Variants in TUT7 observed in about 807,000 individuals in gnomAD.
TUT7 encodes the protein terminal uridylyl transferase 7.
TUT7 carries 33 observed loss-of-function variants against 165.9 expected under a neutral mutation model. That is an observed-to-expected ratio of 0.20 (90% CI 0.15 to 0.27). TUT7 has a LOEUF of 0.27. Ranked by LOEUF, TUT7 falls within the 10% of genes least tolerant of loss-of-function variation. The pLI, the probability that TUT7 is intolerant of heterozygous loss-of-function variation, is 1.00. For synonymous variants in TUT7, 552 were observed against 608.1 expected (o/e 0.91, Z 1.36); for missense variants, 1,338 against 1,762.3 (o/e 0.76, Z 4.31).
chr9:86,352,523 C>T (rs752654609), intron 2 of TUT7, 157 bp downstream of exon 2: 3 of 848,000 alleles, frequency 3.5e-6, no homozygotes, highest in Non-Finnish European at 5.7e-6. Context: ...ATCATGATTA[C>T]TATCCTTAAA....
At chr9:86,348,723 G>A (rs934457582) in intron 2 of TUT7, among the ~76,000 whole-genome samples, 3 of 152,114 alleles carry the variant, frequency 2.0e-5, no homozygotes, top group Non-Finnish European at 2.9e-5. Context: ...TTGCACTCCA[G>A]CCTGGGTGAC....
At chr9:86,319,821 C>T (rs1829071469) in intron 14 of TUT7, 151 bp from the exon 15 acceptor site, 1 of 627,930 alleles carries the variant, frequency 1.6e-6, no homozygotes, top group South Asian at 2.0e-5. Context: ...ATAGCATTAA[C>T]AAGGTAAAGT....
At chr9:86,307,107 C>T (rs1340657738) in intron 22 of TUT7, among the ~76,000 whole-genome samples, 2 of 151,984 alleles carry the variant, frequency 1.3e-5, no homozygotes, top group African/African-American at 2.4e-5. Flanking sequence ...CCCGTCTCTA[C>T]TAAAAATACA....
At chr9:86,310,903 T>A (rs986990458) in intron 17 of TUT7, 94 bp from the exon 18 acceptor site, 9 of 720,964 alleles carry the variant, frequency 1.2e-5, no homozygotes, top group Non-Finnish European at 2.2e-5. Flanking sequence ...GGTGTAAACC[T>A]AACTTTGGCC....
At chr9:86,339,961 C>T (rs777059653) in intron 8 of TUT7, 75 bp downstream of exon 8, 2 of 1,086,308 alleles carry the variant, frequency 1.8e-6, no homozygotes, top group Admixed American at 3.6e-5. Flanking sequence ...AGAAATTGGA[C>T]ATTAAGATGT....
In TUT7 at chr9:86,289,864, T is replaced by C. The variant is rs1825783094; in HGVS notation, c.4421-1120A>G. On this transcript the variant is annotated intron_variant, in intron 26 of 26. Coordinates refer to ENST00000375963, the MANE Select transcript of TUT7 (RefSeq NM_024617.4). ...TAAATAAATATTCATAAAAACCTTA[T>C]AATTAACAATGCAAAGAACTTAAAA... is the stretch of plus-strand genomic sequence containing the variant. 2.0e-5 allele frequency among the ~76,000 whole-genome samples: 3 copies of C among 152,058 alleles called. No individual in the cohort carries two copies. In the South Asian group the frequency reaches 6.2e-4, roughly 31 times the overall value.
At chr9:86,329,881 C>T (rs1447047587) in intron 10 of TUT7, among the ~76,000 whole-genome samples, 1 of 152,132 alleles carries the variant, frequency 6.6e-6, no homozygotes, top group Non-Finnish European at 1.5e-5. Flanking sequence ...TTCTCCCTCA[C>T]TTTATTCAGC....
chr9:86,321,004 A>C lies in TUT7; in HGVS notation c.3028+1321T>G, dbSNP rs752184675. ...CACAGCAGGAAGAATAACACCACCA[A>C]CCTTTACATAGCCCAGCTAGCCAGG... On this transcript the variant is annotated intron_variant, in intron 14 of 26. Coordinates refer to ENST00000375963, the MANE Select transcript of TUT7 (RefSeq NM_024617.4). 1.4e-4 allele frequency among the ~76,000 whole-genome samples: 22 copies of C among 152,120 alleles called. No individual in the cohort carries two copies. The Middle Eastern group carries it at 0.024, about 165-fold the overall frequency.
At chr9:86,325,246 G>GA in intron 12 of TUT7, 88 bp downstream of exon 12, 2 of 1,327,750 alleles carry the variant, frequency 1.5e-6, no homozygotes. Flanking sequence ...TGTAGGAGCT[G>GA]AAAAGAGACT....
intron 2 of TUT7, among the ~76,000 whole-genome samples, chr9:86,347,189 G>A (rs1588017320): frequency 6.6e-6 from 1 of 151,990 alleles, no homozygotes; most frequent in South Asian, 2.1e-4. Flanking sequence ...ATATTTCAAA[G>A]GAAAAAAACA....
chr9:86,331,921 C>T (rs1203722665), intron 10 of TUT7, among the ~76,000 whole-genome samples: 2 of 152,050 alleles, frequency 1.3e-5, no homozygotes, highest in African/African-American at 4.8e-5. Flanking sequence ...AAAATAACCC[C>T]ATTAAAAAGT....
chr9:86,345,928 T>G, intron 3 of TUT7, 143 bp from the exon 4 acceptor site: 2 of 649,584 alleles, frequency 3.1e-6, no homozygotes, highest in Non-Finnish European at 2.6e-6. Flanking sequence ...CTGGCTGGAG[T>G]GAACTGGCTA....
intron 22 of TUT7, among the ~76,000 whole-genome samples, chr9:86,307,772 C>T (rs1180108855): frequency 6.6e-6 from 1 of 152,084 alleles, no homozygotes; most frequent in Non-Finnish European, 1.5e-5. Context: ...GGTGGGTGAT[C>T]ACCTGCGGTC....
At chr9:86,332,782 T>C (rs1165373107) in intron 10 of TUT7, among the ~76,000 whole-genome samples, 1 of 152,232 alleles carries the variant, frequency 6.6e-6, no homozygotes, top group Non-Finnish European at 1.5e-5. Flanking sequence ...ATTACTGATA[T>C]CATTGGTTTT....
chr9:86,323,843 G>A lies in TUT7; in HGVS notation c.1907C>T (p.Thr636Ile), dbSNP rs768953994. 6.2e-7 allele frequency: 1 copy of A among 1,614,078 alleles called. No individual in the cohort carries two copies. Among genetic ancestry groups the A allele is most frequent in the South Asian group, 1.1e-5 (1 of 91,070 alleles). Residue 636 changes from threonine to isoleucine, a missense_variant, in exon 13 of 27, where the codon ACA becomes ATA. By Grantham distance (89) the Thr-to-Ile change is moderately conservative. Around this residue, in one of 7 missense-constraint regions of TUT7, gnomAD observed 425 missense variants for 474.9 expected, o/e 0.89. Transcript: ENST00000375963. Reference sequence around the variant, plus strand: ...CAGAGGCTTTAGAAGGCTGGATTTTGTAATTTTGTGTGGAAGAGCAAAATA... The same window carrying A: ...CAGAGGCTTTAGAAGGCTGGATTTTATAATTTTGTGTGGAAGAGCAAAATA... ...YKYFALPHKI[T>I]KSSLLKPLNA...
intron 17 of TUT7, among the ~76,000 whole-genome samples, chr9:86,313,507 T>C (rs1050388167): frequency 2.6e-5 from 4 of 152,314 alleles, no homozygotes; most frequent in African/African-American, 9.6e-5. Flanking sequence ...CATTACCTCC[T>C]TAGGTTTATC....
At chr9:86,307,231 G>A (rs138272596) in intron 22 of TUT7, among the ~76,000 whole-genome samples, 70 of 151,710 alleles carry the variant, frequency 4.6e-4, no homozygotes, top group Middle Eastern at 3.4e-3. Flanking sequence ...CCAAGATTGC[G>A]CCATTGCATT....
Position 86,346,296 on chromosome 9 carries a change from T to C in TUT7, c.702+3A>G, listed in dbSNP as rs1831755027. Reference sequence around the variant, plus strand: ...CCAACAAATATATATATAAGGATGTTACCCTTTTTAGCCTGTCAATGCAGT... The same window carrying C: ...CCAACAAATATATATATAAGGATGTCACCCTTTTTAGCCTGTCAATGCAGT... On this transcript the variant is annotated splice_donor_region_variant and intron_variant, in intron 3 of 26. Transcript: ENST00000375963. 2 of 1,611,106 alleles carry C rather than the reference T, an allele frequency of 1.2e-6. No homozygotes were observed. Among genetic ancestry groups the C allele is most frequent in the Non-Finnish European group, 1.7e-6 (2 of 1,178,954 alleles).
At chr9:86,324,055 CAACA>C in intron 12 of TUT7, 95 bp from the exon 13 acceptor site, 3 of 1,098,028 alleles carry the variant, frequency 2.7e-6, no homozygotes, top group East Asian at 2.8e-5. Flanking sequence ...TAAAAACAGA[CAACA>C]AACAATGGTA....
Sources: gnomAD v4.1 joint callset for allele counts (sites outside exome capture counted in the v4.1 genomes callset) on GRCh38, gnomAD v4.1.1 for gene constraint, gnomAD v4.1.1 regional missense constraint, MANE v1.5 for transcripts, NCBI Gene and HGNC (gene_info 2026-07-23, HGNC 2026-07-21) for gene names.